TRAPPC9: variants seen among roughly 807,000 people sequenced by gnomAD.
TRAPPC9 encodes IKK2 binding protein.
Under a neutral mutation model 124.0 loss-of-function variants are expected in TRAPPC9, and 83 were observed. That is an observed-to-expected ratio of 0.67 (90% confidence interval 0.56 to 0.80). The LOEUF is 0.80. Ranked by LOEUF, TRAPPC9 falls within the 30% of genes least tolerant of loss-of-function variation. The pLI, the probability that TRAPPC9 is intolerant of heterozygous loss-of-function variation, is 0.00. For synonymous variants in TRAPPC9, 638 were observed against 617.5 expected, an observed-to-expected ratio of 1.03 and a Z score of -0.49; for missense variants, 1,302 against 1,508.3, an observed-to-expected ratio of 0.86 and a Z score of 2.27.
intron 19 of TRAPPC9, among the ~76,000 whole-genome samples, chr8:139,941,545 T>C (rs1027176006): frequency 6.6e-6 from 1 of 152,198 alleles, no homozygotes; most frequent in African/African-American, 2.4e-5. Context: ...GCCCTCATCC[T>C]GTTTAGCCTT....
rs189269662 is a variant in TRAPPC9 at position 139,880,880 on chromosome 8, C to T, written c.3055+4999G>A. Among the ~76,000 whole-genome samples the T allele has an allele frequency of 1.4e-4, 21 of 152,338 alleles. 2 individuals are homozygous for T. Among genetic ancestry groups the T allele is most frequent in the Admixed American group, 8.5e-4 (13 of 15,312 alleles). On this transcript the variant is annotated intron_variant, in intron 21 of 22. Coordinates refer to ENST00000438773, the MANE Select transcript of TRAPPC9 (RefSeq NM_001160372.4). ...GCTAGGCCCTGGCCTTGGCAGGTGC[C>T]GCCAGCGACTAAAAGCGCACCGCTG...
At chr8:140,084,583 G>C (rs568341869) in intron 17 of TRAPPC9, among the ~76,000 whole-genome samples, 24 of 152,206 alleles carry the variant, frequency 1.6e-4, no homozygotes, top group Non-Finnish European at 2.9e-4. Context: ...CACTTCCCCA[G>C]TGCTAATGTC....
At chr8:140,003,985 A>T (rs1041834489) in intron 18 of TRAPPC9, among the ~76,000 whole-genome samples, 2 of 152,268 alleles carry the variant, frequency 1.3e-5, no homozygotes, top group Non-Finnish European at 2.9e-5. Flanking sequence ...AGGCTGTGAC[A>T]TACCTGTACA....
rs145037654 is a variant in TRAPPC9, at chr8:140,022,889, A to T, written c.2699+1048T>A. Among the ~76,000 whole-genome samples, 814 of 152,338 alleles carry T rather than the reference A, an allele frequency of 5.3e-3. 7 individuals are homozygous for T. Among genetic ancestry groups the T allele is most frequent in the Middle Eastern group, 0.024 (7 of 294 alleles). On this transcript the variant is annotated intron_variant, in intron 18 of 22. Coordinates refer to ENST00000438773, the MANE Select transcript of TRAPPC9 (RefSeq NM_001160372.4). Reference sequence around the variant, plus strand: ...TGAAGGCATTCTCCAATGGCTGGGAAGAAAAACAAGTCTTTCCTATAAACT... The same window carrying T: ...TGAAGGCATTCTCCAATGGCTGGGATGAAAAACAAGTCTTTCCTATAAACT...
At chr8:140,416,261 C>T (rs1316561684) in intron 5 of TRAPPC9, among the ~76,000 whole-genome samples, 1 of 152,144 alleles carries the variant, frequency 6.6e-6, no homozygotes, top group Non-Finnish European at 1.5e-5. Context: ...AACAATTATA[C>T]ACCAATGAAT....
At chr8:140,050,982 T>C (rs1374580821) in intron 17 of TRAPPC9, among the ~76,000 whole-genome samples, 3 of 152,224 alleles carry the variant, frequency 2.0e-5, no homozygotes, top group African/African-American at 7.2e-5. Flanking sequence ...AAACAGTCCT[T>C]GATGGCTATT....
chr8:140,345,275 C>T (rs1460532433), intron 9 of TRAPPC9, among the ~76,000 whole-genome samples: 2 of 152,188 alleles, frequency 1.3e-5, no homozygotes, highest in Admixed American at 6.5e-5. Flanking sequence ...GAGGACAGAG[C>T]AGGCCAGGTA....
chr8:140,127,048 T>A (rs1465358749), intron 17 of TRAPPC9, among the ~76,000 whole-genome samples: 1 of 152,274 alleles, frequency 6.6e-6, no homozygotes, highest in South Asian at 2.1e-4. Flanking sequence ...CTCTAACGTA[T>A]GTATCTGGAG....
At chr8:140,340,123 C>T (rs2067151801) in intron 9 of TRAPPC9, among the ~76,000 whole-genome samples, 1 of 152,226 alleles carries the variant, frequency 6.6e-6, no homozygotes, top group Non-Finnish European at 1.5e-5. Context: ...CTGGGATTTA[C>T]AGGCATGAGC....
chr8:140,455,155 T>C (rs13248645), intron 1 of TRAPPC9, among the ~76,000 whole-genome samples: 84,913 of 151,676 alleles, frequency 0.56, 23,927 homozygotes, highest in Non-Finnish European at 0.58. Context: ...TTTTCTGAGA[T>C]GGAGTTTCGC....
At chr8:139,917,324 G>A (rs527728105) in intron 19 of TRAPPC9, among the ~76,000 whole-genome samples, 31 of 151,870 alleles carry the variant, frequency 2.0e-4, no homozygotes, top group Non-Finnish European at 3.7e-4. Flanking sequence ...GGGACTACAC[G>A]CGCCTGCCAC....
chr8:140,148,695 T>C (rs1334323835), intron 17 of TRAPPC9, among the ~76,000 whole-genome samples: 3 of 152,206 alleles, frequency 2.0e-5, no homozygotes, highest in Admixed American at 6.5e-5. Flanking sequence ...TCCAGCTACC[T>C]TGCTCCAGAT....
intron 17 of TRAPPC9, among the ~76,000 whole-genome samples, chr8:140,088,066 G>A (rs867504811): frequency 9.9e-5 from 15 of 151,952 alleles, no homozygotes; most frequent in Admixed American, 6.6e-5. Context: ...CTCAAGAGAT[G>A]CTCCTTGGTC....
At position 140,439,502 on chromosome 8, in the gene TRAPPC9, T is replaced by C. The variant is rs75631105; in HGVS notation, c.585-305A>G. On this transcript the variant is annotated intron_variant, in intron 2 of 22. Coordinates refer to ENST00000438773, the MANE Select transcript of TRAPPC9 (RefSeq NM_001160372.4). ...AGATTTTCCAGTTGTAACATTAGCA[T>C]AAGGAAGTTTATGTTTCAGCTTTTT... Among the ~76,000 whole-genome samples the C allele has an allele frequency of 0.028, 4,230 of 152,338 alleles. 120 individuals carry two copies. Among genetic ancestry groups the C allele is most frequent in the African/African-American group, 0.072 (2,977 of 41,572 alleles).
chr8:140,248,139 T>G, intron 16 of TRAPPC9, among the ~76,000 whole-genome samples: 1 of 152,150 alleles, frequency 6.6e-6, no homozygotes. Flanking sequence ...GGATAGCTCT[T>G]CTAATTCTAG....
intron 21 of TRAPPC9, among the ~76,000 whole-genome samples, chr8:139,867,633 G>A (rs1828636298): frequency 6.6e-6 from 1 of 152,204 alleles, no homozygotes; most frequent in Non-Finnish European, 1.5e-5. Context: ...GACACAAAGA[G>A]AAGGACTCAG....
chr8:140,106,445 T>C (rs900588913), intron 17 of TRAPPC9, among the ~76,000 whole-genome samples: 6 of 152,212 alleles, frequency 3.9e-5, no homozygotes, highest in African/African-American at 9.7e-5. Flanking sequence ...CATCAGTCAC[T>C]GAGGAATGCA....
intron 9 of TRAPPC9, among the ~76,000 whole-genome samples, chr8:140,350,616 C>T (rs1249940232): frequency 6.6e-6 from 1 of 152,018 alleles, no homozygotes; most frequent in Non-Finnish European, 1.5e-5. Context: ...TGCAGAAGAG[C>T]CGGGGGTCAC....
intron 21 of TRAPPC9, among the ~76,000 whole-genome samples, chr8:139,806,525 A>C (rs1470505916): frequency 6.6e-6 from 1 of 152,226 alleles, no homozygotes; most frequent in Non-Finnish European, 1.5e-5. Flanking sequence ...GTGGAGCAGA[A>C]GTAGCCTCAG....
Sources: gnomAD v4.1 joint callset for allele counts (sites outside exome capture counted in the v4.1 genomes callset) on GRCh38, gnomAD v4.1.1 for gene constraint, MANE v1.5 for transcripts, NCBI Gene and HGNC (gene_info 2026-07-23, HGNC 2026-07-21) for gene names.